The following VPS13D variants were observed in gnomAD, a reference collection of about 807,000 sequenced individuals.
The protein encoded by VPS13D is intermembrane lipid transfer protein VPS13D.
A neutral mutation model predicts 461.9 loss-of-function variants in VPS13D; 187 were observed. That is an observed-to-expected ratio of 0.40 (90% CI 0.36 to 0.46). The LOEUF is 0.46. Ranked by LOEUF, VPS13D falls within the 20% of genes least tolerant of loss-of-function variation. The pLI, the probability that VPS13D is intolerant of heterozygous loss-of-function variation, is 0.60. For missense variants in VPS13D, 4,711 were observed against 5,364.9 expected (o/e 0.88, Z 3.81); for synonymous variants, 1,951 against 1,986.3 (o/e 0.98, Z 0.47).
intron 54 of VPS13D, 57 bp downstream of exon 54, chr1:12,369,759 G>GT: frequency 3.3e-6 from 5 of 1,513,018 alleles, no homozygotes; most frequent in Non-Finnish European, 4.5e-6. Context: ...TTATTAACAG[G>GT]TTTTAAATGT....
intron 67 of VPS13D, among the ~76,000 whole-genome samples, chr1:12,461,613 C>G (rs1003291005): frequency 1.3e-5 from 2 of 152,190 alleles, no homozygotes; most frequent in African/African-American, 4.8e-5. Flanking sequence ...GTTTTTCCAT[C>G]TCTGCTCGAA....
chr1:12,490,009 G>C (rs1395627320), intron 67 of VPS13D, among the ~76,000 whole-genome samples: 1 of 152,152 alleles, frequency 6.6e-6, no homozygotes, highest in Admixed American at 6.5e-5. Context: ...CTGCTTCCCT[G>C]CTGTGTTCTT....
At chr1:12,380,173 C>A (rs1644254615) in intron 57 of VPS13D, among the ~76,000 whole-genome samples, 2 of 152,016 alleles carry the variant, frequency 1.3e-5, no homozygotes, top group Non-Finnish European at 2.9e-5. Flanking sequence ...TCATGGCTTA[C>A]CTGGACTTTT....
chr1:12,369,724 G>A, intron 54 of VPS13D, 22 bp downstream of exon 54: 1 of 1,603,260 alleles, frequency 6.2e-7, no homozygotes, highest in South Asian at 1.1e-5. Flanking sequence ...TTAAATTACT[G>A]TTCCTATAAA....
chr1:12,329,091 A>G (rs1643265069), intron 36 of VPS13D, among the ~76,000 whole-genome samples: 2 of 152,176 alleles, frequency 1.3e-5, no homozygotes, highest in Non-Finnish European at 2.9e-5. Context: ...GCAGAGACTA[A>G]TTAGTTGATT....
chr1:12,348,410 C>T (rs565937167), intron 44 of VPS13D, among the ~76,000 whole-genome samples: 6 of 152,238 alleles, frequency 3.9e-5, no homozygotes, highest in Non-Finnish European at 8.8e-5. Context: ...TTTTCAGTTT[C>T]GTTGTAAGGA....
At chr1:12,362,269 A>C (rs753274697) in intron 50 of VPS13D, among the ~76,000 whole-genome samples, 29 of 152,260 alleles carry the variant, frequency 1.9e-4, no homozygotes, top group Non-Finnish European at 1.2e-4. Flanking sequence ...ACATTACAGA[A>C]TCCAAGAAAG....
At chr1:12,492,157 G>A (rs191265935) in intron 67 of VPS13D, among the ~76,000 whole-genome samples, 13 of 152,364 alleles carry the variant, frequency 8.5e-5, no homozygotes, top group African/African-American at 2.4e-4. Flanking sequence ...CAGGGAGGCC[G>A]CAGGCCTAAC....
chr1:12,266,104 A>G (rs1267309308), intron 13 of VPS13D, among the ~76,000 whole-genome samples: 1 of 152,184 alleles, frequency 6.6e-6, no homozygotes, highest in East Asian at 1.9e-4. Flanking sequence ...CTTTGAAGTT[A>G]CAGTGAGCTA....
At chr1:12,240,404 G>C (rs1259974328) in intron 2 of VPS13D, among the ~76,000 whole-genome samples, 1 of 152,006 alleles carries the variant, frequency 6.6e-6, no homozygotes. Context: ...AGACCAGCCT[G>C]ATCAATATGG....
chr1:12,440,398 G>C (rs1013371917), intron 65 of VPS13D, among the ~76,000 whole-genome samples: 1 of 152,234 alleles, frequency 6.6e-6, no homozygotes, highest in African/African-American at 2.4e-5. Context: ...GCTTGAATGC[G>C]AGGGAAAGCT....
intron 37 of VPS13D, 101 bp from the exon 38 acceptor site, chr1:12,333,125 A>G (rs1310493837): frequency 9.3e-6 from 13 of 1,395,796 alleles, no homozygotes; most frequent in South Asian, 5.6e-5. Flanking sequence ...GTAGAAAGCT[A>G]TTAAGCTCGA....
At chr1:12,401,161 C>T (rs1187717687) in intron 61 of VPS13D, among the ~76,000 whole-genome samples, 1 of 152,190 alleles carries the variant, frequency 6.6e-6, no homozygotes, top group African/African-American at 2.4e-5. Context: ...GCTGTTCCAG[C>T]AGCAAACTCT....
chr1:12,291,147 G>A (rs773162346), intron 23 of VPS13D, 23 bp downstream of exon 23: 11 of 1,603,966 alleles, frequency 6.9e-6, no homozygotes, highest in Admixed American at 5.2e-5. Flanking sequence ...ATCTTTTTCT[G>A]ACTTGATATT....
At chr1:12,235,353 C>T (rs1379181497) in intron 2 of VPS13D, among the ~76,000 whole-genome samples, 3 of 152,136 alleles carry the variant, frequency 2.0e-5, no homozygotes, top group South Asian at 2.1e-4. Context: ...CTAAGGCAGG[C>T]GGATCACGAG....
chr1:12,476,815 A>C (rs1332622112), intron 67 of VPS13D, among the ~76,000 whole-genome samples: 1 of 152,200 alleles, frequency 6.6e-6, no homozygotes, highest in Admixed American at 6.5e-5. Context: ...TCCACCACCA[A>C]AAGGGGCTTT....
At chr1:12,274,233 G>A (rs1641540930) in intron 18 of VPS13D, among the ~76,000 whole-genome samples, 1 of 152,200 alleles carries the variant, frequency 6.6e-6, no homozygotes, top group Non-Finnish European at 1.5e-5. Context: ...TAGGGATGGG[G>A]TTTCTCCACG....
chr1:12,406,125 G>T (rs574030968), intron 63 of VPS13D, among the ~76,000 whole-genome samples: 1 of 152,228 alleles, frequency 6.6e-6, no homozygotes, highest in South Asian at 2.1e-4. Flanking sequence ...GTGTGTAGGG[G>T]GCACGCCGAG....
At chr1:12,256,861 C>A in intron 8 of VPS13D, 126 bp from the exon 9 acceptor site, 1 of 990,984 alleles carries the variant, frequency 1.0e-6, no homozygotes, top group Non-Finnish European at 1.5e-6. Flanking sequence ...TTTGGTCTTT[C>A]AGTTTGCACT....
Sources: allele counts gnomAD v4.1 joint callset (sites outside exome capture counted in the v4.1 genomes callset), GRCh38; gene constraint gnomAD v4.1.1; transcripts MANE v1.5; gene names NCBI Gene and HGNC (gene_info 2026-07-23, HGNC 2026-07-21).